OPHN1: variants seen among roughly 807,000 people sequenced by gnomAD.
OPHN1 encodes the protein oligophrenin 1.
OPHN1 carries 11 observed loss-of-function variants against 60.7 expected under a neutral mutation model. The ratio of observed to expected loss-of-function variants is 0.18; its 90% CI spans 0.11 to 0.30. OPHN1 has a LOEUF of 0.30. Among genes scored for constraint, OPHN1 ranks in the 10% least tolerant of loss-of-function variants. OPHN1 has a pLI of 1.00. For missense variants in OPHN1, 449 were observed against 611.0 expected (o/e 0.73, Z 2.80); for synonymous variants, 226 against 222.6 (o/e 1.02, Z -0.14).
chrX:68,240,778 G>A (rs1419606246), intron 5 of OPHN1, among the ~76,000 whole-genome samples: 2 of 110,524 alleles, frequency 1.8e-5, no homozygotes, highest in East Asian at 2.8e-4. Flanking sequence ...TTGTCACTTC[G>A]GGTAGGTTTT....
chrX:68,102,299 A>C (rs768310930), intron 18 of OPHN1, among the ~76,000 whole-genome samples: 5 of 112,413 alleles, frequency 4.4e-5, no homozygotes, highest in Non-Finnish European at 7.5e-5. Flanking sequence ...AAATTAAGGC[A>C]GAAATAAATA....
At chrX:68,383,420 C>T (rs1220470628) in intron 2 of OPHN1, among the ~76,000 whole-genome samples, 1 of 107,827 alleles carries the variant, frequency 9.3e-6, no homozygotes, top group Non-Finnish European at 1.9e-5. Flanking sequence ...GGTGAAACCC[C>T]GCCTCTACTA....
intron 15 of OPHN1, among the ~76,000 whole-genome samples, chrX:68,167,725 A>G (rs746881275): frequency 3.9e-4 from 42 of 107,799 alleles, no homozygotes; most frequent in African/African-American, 9.7e-4. Flanking sequence ...GTGTGTGTAT[A>G]TATATATATA....
At chrX:68,186,489 A>G (rs1199097864) in intron 15 of OPHN1, among the ~76,000 whole-genome samples, 23 of 109,803 alleles carry the variant, frequency 2.1e-4, no homozygotes, top group Non-Finnish European at 4.0e-4. Flanking sequence ...AAAAAAAAAA[A>G]GCTAGTGGCA....
At chrX:68,209,991 C>T (rs929393450) in intron 9 of OPHN1, 162 bp downstream of exon 9, 23 of 430,549 alleles carry the variant, frequency 5.3e-5, no homozygotes, top group Non-Finnish European at 8.0e-5. Flanking sequence ...CTCAGTTTCT[C>T]CTTTTTTTTT....
intron 2 of OPHN1, among the ~76,000 whole-genome samples, chrX:68,409,167 T>A (rs907693481): frequency 8.9e-6 from 1 of 111,752 alleles, no homozygotes; most frequent in African/African-American, 3.3e-5. Context: ...GGGAACAGGG[T>A]AGGTGTTCTT....
intron 2 of OPHN1, among the ~76,000 whole-genome samples, chrX:68,389,169 C>A (rs2078640257): frequency 9.4e-6 from 1 of 106,084 alleles, no homozygotes; most frequent in Non-Finnish European, 1.9e-5. Flanking sequence ...ATTGACCAGG[C>A]CAGTCTCGAA....
At chrX:68,112,742 G>A (rs1270706980) in intron 17 of OPHN1, among the ~76,000 whole-genome samples, 2 of 111,869 alleles carry the variant, frequency 1.8e-5, no homozygotes, top group Non-Finnish European at 3.8e-5. Context: ...TCTAGAAAAT[G>A]TGATGCTGGC....
intron 2 of OPHN1, among the ~76,000 whole-genome samples, chrX:68,332,123 G>T (rs1480219984): frequency 8.9e-6 from 1 of 112,002 alleles, no homozygotes; most frequent in Admixed American, 9.6e-5. Context: ...GAGGACATGT[G>T]TACACAGTGT....
intron 2 of OPHN1, among the ~76,000 whole-genome samples, chrX:68,394,803 C>G (rs959343952): frequency 4.5e-5 from 5 of 111,252 alleles, no homozygotes; most frequent in African/African-American, 1.3e-4. Context: ...CGCGCTACCA[C>G]GCCCAGCTAA....
chrX:68,279,152 C>T (rs980080321), intron 4 of OPHN1, among the ~76,000 whole-genome samples: 10 of 82,556 alleles, frequency 1.2e-4, no homozygotes, highest in Non-Finnish European at 2.2e-4. Context: ...GCCTTACTCG[C>T]CCAGGCTGTA....
At chrX:68,410,074 T>G (rs973216038) in intron 2 of OPHN1, among the ~76,000 whole-genome samples, 3 of 111,735 alleles carry the variant, frequency 2.7e-5, no homozygotes, top group Non-Finnish European at 5.6e-5. Flanking sequence ...AGTCAGTTCA[T>G]GCAAATATTA....
chrX:68,252,784 C>T (rs577111526), intron 5 of OPHN1, among the ~76,000 whole-genome samples: 1 of 111,262 alleles, frequency 9.0e-6, no homozygotes, highest in South Asian at 3.8e-4. Context: ...CCTACTAATG[C>T]CAGCCACTTC....
rs146648824 is a variant in OPHN1 at position 68,196,246 on chromosome X, A to T, written c.1104+940T>A. Among the ~76,000 whole-genome samples, 775 of 112,435 alleles carry T rather than the reference A, an allele frequency of 6.9e-3. 8 individuals are homozygous for T. Among genetic ancestry groups the T allele is most frequent in the African/African-American group, 0.024 (733 of 30,991 alleles). ...CCTAGCCAGTTTTTCACTTGAATAC[A>T]GCAAAGAAATAAGACTGTATCTGAA... On this transcript the variant is annotated intron_variant, in intron 12 of 24. Coordinates refer to ENST00000355520, the MANE Select transcript of OPHN1 (RefSeq NM_002547.3).
chrX:68,113,946 C>A (rs2077116122), intron 16 of OPHN1, among the ~76,000 whole-genome samples: 1 of 98,960 alleles, frequency 1.0e-5, no homozygotes, highest in Admixed American at 1.1e-4. Flanking sequence ...CACATGTACC[C>A]TAAAACTTAA....
intron 15 of OPHN1, among the ~76,000 whole-genome samples, chrX:68,156,072 T>A (rs2077307857): frequency 9.0e-6 from 1 of 111,136 alleles, no homozygotes; most frequent in South Asian, 3.8e-4. Context: ...GTTCAAAATA[T>A]AACCATGGTA....
rs142016317 is a variant in OPHN1, at chrX:68,376,326, G to A, written c.154+56541C>T. Among the ~76,000 whole-genome samples the A allele has an allele frequency of 9.8e-5, 11 of 111,802 alleles. No homozygotes were observed. The East Asian group carries it at 3.1e-3, about 32-fold the overall frequency. On this transcript the variant is annotated intron_variant, in intron 2 of 24. Coordinates refer to ENST00000355520, the MANE Select transcript of OPHN1 (RefSeq NM_002547.3). ...GCTTTCTAGAGGAGGGGAAACAGAAGCTGAGGATGTGAACTTAAAGTTTGC... is the reference window on the plus strand; with the variant it reads ...GCTTTCTAGAGGAGGGGAAACAGAAACTGAGGATGTGAACTTAAAGTTTGC...
At chrX:68,243,262 C>G (rs780203762) in intron 5 of OPHN1, among the ~76,000 whole-genome samples, 1 of 111,089 alleles carries the variant, frequency 9.0e-6, no homozygotes, top group African/African-American at 3.3e-5. Context: ...AGAGTTTCTG[C>G]TTGGGGTGAT....
chrX:68,339,387 T>A (rs1215871628), intron 2 of OPHN1, among the ~76,000 whole-genome samples: 1 of 110,209 alleles, frequency 9.1e-6, no homozygotes, highest in East Asian at 2.9e-4. Context: ...CCAGTTCTAG[T>A]CAACACTGTA....
Sources: allele counts gnomAD v4.1 joint callset (sites outside exome capture counted in the v4.1 genomes callset), GRCh38; gene constraint gnomAD v4.1.1; transcripts MANE v1.5; gene names NCBI Gene and HGNC (gene_info 2026-07-23, HGNC 2026-07-21).